The following TTC34 variants were observed in gnomAD, a reference collection of about 807,000 sequenced individuals.
The protein encoded by TTC34 is tetratricopeptide repeat protein 34.
TTC34 carries 44 observed loss-of-function variants against 40.7 expected under a neutral mutation model. The observed-to-expected ratio is 1.08, with a 90% confidence interval of 0.85 to 1.39. TTC34 has a LOEUF of 1.39. Ranked by LOEUF, TTC34 falls within the 40% of genes most tolerant of loss-of-function variation. The probability of loss-of-function intolerance (pLI) is 0.00; values close to 1 mark genes in which losing one functional copy is unlikely to be tolerated. For synonymous variants in TTC34, 422 were observed against 398.6 expected (o/e 1.06, Z -0.70); for missense variants, 884 against 838.0 (o/e 1.05, Z -0.68).
At chr1:2,797,524 T>C (rs1381965153) in intron 2 of TTC34, among the ~76,000 whole-genome samples, 2 of 152,212 alleles carry the variant, frequency 1.3e-5, no homozygotes, top group East Asian at 1.9e-4. Flanking sequence ...CCTAATGACA[T>C]GAGGCTTGAT....
chr1:2,685,749 G>T (rs1425270663), intron 6 of TTC34, among the ~76,000 whole-genome samples: 28 of 139,678 alleles, frequency 2.0e-4, no homozygotes, highest in African/African-American at 7.7e-4. Context: ...GTCTGGAGCA[G>T]AACCCACACC....
intron 6 of TTC34, among the ~76,000 whole-genome samples, chr1:2,756,921 C>A (rs1641525917): frequency 6.6e-6 from 1 of 151,992 alleles, no homozygotes; most frequent in Non-Finnish European, 1.5e-5. Context: ...AGTTGAGCAT[C>A]TGACAGCCTG....
chr1:2,645,182 TGTTGTG>T lies in TTC34; in HGVS notation c.2497+105_2497+110del. On this transcript the variant is annotated intron_variant, in intron 7 of 8. Transcript: ENST00000401095. This position sits in a 1 kb window ranked among gnomAD's most constrained non-coding sequence, Gnocchi z 4.7. ...TTGGGGTGGAAGGGACCTTGGAAGC[TGTTGTG>T]GTCCGGGTCTCTTTCTTCCATTTTT... 1 of 1,269,274 alleles carries T rather than the reference TGTTGTG, an allele frequency of 7.9e-7. No individual in the cohort carries two copies. Among genetic ancestry groups the T allele is most frequent in the Non-Finnish European group, 1.0e-6 (1 of 981,558 alleles). The allele number at this position is 1,269,274 out of a possible 1,614,324, so 78.6% of individuals were successfully genotyped here.
chr1:2,683,636 C>T (rs1640183949), intron 6 of TTC34, among the ~76,000 whole-genome samples: 1 of 150,038 alleles, frequency 6.7e-6, no homozygotes, highest in South Asian at 2.1e-4. Flanking sequence ...CCCACACCCC[C>T]AGGTGAGCAT....
intron 6 of TTC34, among the ~76,000 whole-genome samples, chr1:2,657,482 A>C (rs1268867380): frequency 1.7e-4 from 11 of 66,270 alleles, no homozygotes; most frequent in Non-Finnish European, 2.2e-4. Context: ...CATCTGACCG[A>C]ACGGAGCAGC....
intron 2 of TTC34, among the ~76,000 whole-genome samples, chr1:2,792,008 T>TA (rs1643668618): frequency 1.1e-5 from 1 of 92,310 alleles, no homozygotes; most frequent in Non-Finnish European, 2.2e-5. Flanking sequence ...GCCATATGCT[T>TA]TTTTTTTTTT....
intron 6 of TTC34, among the ~76,000 whole-genome samples, chr1:2,752,671 C>T (rs1446632578): frequency 7.4e-6 from 1 of 134,442 alleles, no homozygotes; most frequent in African/African-American, 3.0e-5. Flanking sequence ...GAGCATCTGA[C>T]AACCTGCAAC....
chr1:2,751,625 A>T lies in TTC34; in HGVS notation c.2226+31984T>A, dbSNP rs1386654127. Among the ~76,000 whole-genome samples, 9 of 99,802 alleles carry T rather than the reference A, an allele frequency of 9.0e-5. 1 individual carries two copies. The highest frequency in any genetic ancestry group is 3.5e-4 in the African/African-American group (7 of 19,774). The allele number at this position is 99,802 out of a possible 152,430, so 65.5% of individuals were successfully genotyped here. ...ACCCACACCCCCAGGCGAGCATCTGACGGCCTGGAACAGCACCCACACCCC... is the reference window on the plus strand; with the variant it reads ...ACCCACACCCCCAGGCGAGCATCTGTCGGCCTGGAACAGCACCCACACCCC... On this transcript the variant is annotated intron_variant, in intron 6 of 8. Transcript: ENST00000401095.
chr1:2,798,057 CCAGCCTCT>C (rs1643727472), intron 2 of TTC34, among the ~76,000 whole-genome samples: 1 of 150,862 alleles, frequency 6.6e-6, no homozygotes, highest in East Asian at 1.9e-4. Context: ...TCCCAGCCTC[CCAGCCTCT>C]CAGCCTCTTA....
chr1:2,688,128 C>A (rs796708297), intron 6 of TTC34, among the ~76,000 whole-genome samples: 31 of 136,338 alleles, frequency 2.3e-4, no homozygotes, highest in African/African-American at 7.8e-4. Context: ...GCACCCACAC[C>A]CCCAGGCGAG....
exon 8 of TTC34, chr1:2,644,370 A>T: frequency 6.5e-7 from 1 of 1,535,982 alleles, no homozygotes; most frequent in South Asian, 1.2e-5. Flanking sequence ...AGCCCCTGGC[A>T]CGTCTCCCTT....
At chr1:2,643,697 A>C (rs1040065777) in intron 8 of TTC34, among the ~76,000 whole-genome samples, 5 of 151,984 alleles carry the variant, frequency 3.3e-5, no homozygotes, top group African/African-American at 1.2e-4. Flanking sequence ...ACTGCCCCTT[A>C]CACTGGTGTA....
chr1:2,779,752 C>G (rs1345274578), intron 6 of TTC34, among the ~76,000 whole-genome samples: 3 of 152,130 alleles, frequency 2.0e-5, no homozygotes, highest in African/African-American at 7.2e-5. Flanking sequence ...TTGTTATTTT[C>G]TTTTTAAAAA....
chr1:2,642,462 G>T (rs1028319755), intron 8 of TTC34, among the ~76,000 whole-genome samples: 1 of 152,166 alleles, frequency 6.6e-6, no homozygotes, highest in South Asian at 2.1e-4. Flanking sequence ...CTGGACGGAG[G>T]GCACAGCCTG....
intron 6 of TTC34, among the ~76,000 whole-genome samples, chr1:2,780,921 A>G (rs1643472579): frequency 1.3e-5 from 2 of 152,108 alleles, no homozygotes; most frequent in South Asian, 4.1e-4. Context: ...TTTATGTCTT[A>G]TTTAATTTAT....
intron 8 of TTC34, 143 bp downstream of exon 8, chr1:2,644,121 G>T: frequency 1.2e-6 from 1 of 830,442 alleles, no homozygotes; most frequent in Non-Finnish European, 1.8e-6. Flanking sequence ...AGAAGTGGGT[G>T]CCTCCCACCC....
chr1:2,800,560 C>T (rs759987843), exon 2 of TTC34: 44 of 398,220 alleles, frequency 1.1e-4, no homozygotes, highest in Non-Finnish European at 1.6e-4. Context: ...AAGGCAGAGG[C>T]CAGCGACCCT....
At chr1:2,798,004 GTC>G (rs1481849760) in intron 2 of TTC34, among the ~76,000 whole-genome samples, 1 of 151,838 alleles carries the variant, frequency 6.6e-6, no homozygotes, top group African/African-American at 2.4e-5. Flanking sequence ...CAGCCTCCCA[GTC>G]TCTCAGCTGC....
rs961713514 is a variant in TTC34, at chr1:2,789,502, C to A, written c.1628+1G>T. 2.7e-6 allele frequency: 4 copies of A among 1,507,582 alleles called. No individual in the cohort carries two copies. In the South Asian group the frequency reaches 3.7e-5, roughly 14 times the overall value. 93.4% of individuals were successfully genotyped at this position (1,507,582 alleles called of 1,614,324 possible). A position where few individuals can be genotyped will look rare whatever the true frequency, so the allele number is the denominator to read the frequency against. On this transcript the variant is annotated splice_donor_variant, in intron 3 of 8. Coordinates refer to ENST00000401095, the Ensembl canonical transcript of TTC34. LOFTEE classifies it high-confidence loss of function. ...CCCAGCGTGCCCGGGCGGGTCCTCA[C>A]CCCTCCTGCGTGGTGGGGCCGCCCG...
Sources: gnomAD v4.1 joint callset for allele counts (sites outside exome capture counted in the v4.1 genomes callset) on GRCh38, gnomAD v4.1.1 for gene constraint, Gnocchi (gnomAD v3.1) non-coding constraint, MANE v1.5 for transcripts, NCBI Gene and HGNC (gene_info 2026-07-23, HGNC 2026-07-21) for gene names.